SHISA9: variants seen among roughly 807,000 people sequenced by gnomAD.
SHISA9 encodes protein shisa-9.
Under a neutral mutation model 38.0 loss-of-function variants are expected in SHISA9, and 13 were observed. The observed-to-expected ratio is 0.34, with a 90% confidence interval of 0.22 to 0.54. The LOEUF (loss-of-function observed/expected upper bound fraction) is 0.54, where lower values mean the gene tolerates loss of function less well. Among genes scored for constraint, SHISA9 ranks in the 20% least tolerant of loss-of-function variants. SHISA9 has a pLI of 0.91. For missense variants in SHISA9, 538 were observed against 575.8 expected, an observed-to-expected ratio of 0.93 and a Z score of 0.67; for synonymous variants, 275 against 242.0, an observed-to-expected ratio of 1.14 and a Z score of -1.27.
the SHISA9 span, among the ~76,000 whole-genome samples, chr16:13,522,192 C>T: frequency 6.6e-6 from 1 of 152,132 alleles, no homozygotes. Flanking sequence ...TGTGAGATTT[C>T]CCCTTTTGTT....
chr16:13,091,441 A>C (rs556235265), intron 2 of SHISA9, among the ~76,000 whole-genome samples: 1 of 152,212 alleles, frequency 6.6e-6, no homozygotes, highest in Non-Finnish European at 1.5e-5. Flanking sequence ...TATGCCAATC[A>C]AATGTAGATT....
chr16:12,970,371 A>ATATATG (rs1567356916), intron 2 of SHISA9, among the ~76,000 whole-genome samples: 8 of 81,180 alleles, frequency 9.9e-5, no homozygotes, highest in Admixed American at 3.3e-4. Context: ...ATATATATAC[A>ATATATG]TATATATATA....
chr16:13,493,261 C>A, the SHISA9 span, among the ~76,000 whole-genome samples: 1 of 152,202 alleles, frequency 6.6e-6, no homozygotes, highest in East Asian at 1.9e-4. Context: ...CAATACCATT[C>A]TTTTAGATCA....
At chr16:13,357,006 G>A in the SHISA9 span, among the ~76,000 whole-genome samples, 3 of 152,142 alleles carry the variant, frequency 2.0e-5, no homozygotes, top group East Asian at 3.9e-4. Flanking sequence ...ACAGGCTAAG[G>A]GAGAAGAAGG....
chr16:13,101,406 C>T (rs1416184728), intron 2 of SHISA9, among the ~76,000 whole-genome samples: 1 of 152,102 alleles, frequency 6.6e-6, no homozygotes, highest in East Asian at 1.9e-4. Context: ...TTTAATTTTT[C>T]AATCATAACT....
At chr16:13,255,835 A>G in the SHISA9 span, among the ~76,000 whole-genome samples, 8 of 152,230 alleles carry the variant, frequency 5.3e-5, no homozygotes, top group South Asian at 1.7e-3. Flanking sequence ...GATGATCACT[A>G]TCTTTCCTCA....
the SHISA9 span, among the ~76,000 whole-genome samples, chr16:13,457,138 C>T: frequency 6.6e-6 from 1 of 152,184 alleles, no homozygotes; most frequent in Non-Finnish European, 1.5e-5. Context: ...GAAACCCTGT[C>T]TCTACTAAAA....
chr16:13,260,760 C>T, the SHISA9 span, among the ~76,000 whole-genome samples: 1 of 152,332 alleles, frequency 6.6e-6, no homozygotes, highest in African/African-American at 2.4e-5. Context: ...GTCGCTTCCA[C>T]ATTTTTGGGT....
At chr16:12,975,651 G>A (rs1198762058) in intron 2 of SHISA9, among the ~76,000 whole-genome samples, 1 of 143,174 alleles carries the variant, frequency 7.0e-6, no homozygotes, top group Non-Finnish European at 1.5e-5. Context: ...GGGGTGGGAC[G>A]GGGGCGGGGG....
chr16:13,187,054 G>A (rs769655942), intron 2 of SHISA9, among the ~76,000 whole-genome samples: 12 of 152,248 alleles, frequency 7.9e-5, no homozygotes, highest in East Asian at 3.9e-4. Flanking sequence ...ATACCACTTC[G>A]AGATACTGCT....
chr16:13,420,954 A>G, the SHISA9 span, among the ~76,000 whole-genome samples: 1 of 152,218 alleles, frequency 6.6e-6, no homozygotes, highest in Non-Finnish European at 1.5e-5. Context: ...ATTTTGCTTC[A>G]GGGGAAAGCA....
chr16:13,044,048 G>A (rs1002613834), intron 2 of SHISA9, among the ~76,000 whole-genome samples: 1 of 152,230 alleles, frequency 6.6e-6, no homozygotes, highest in East Asian at 1.9e-4. Flanking sequence ...CCCCCAGTTA[G>A]AAAAGAAGCC....
the SHISA9 span, among the ~76,000 whole-genome samples, chr16:13,513,629 A>G: frequency 6.6e-6 from 1 of 152,238 alleles, no homozygotes; most frequent in East Asian, 1.9e-4. Context: ...AATGTGGTAC[A>G]TACACACCAC....
intron 2 of SHISA9, among the ~76,000 whole-genome samples, chr16:13,002,933 A>C (rs903865688): frequency 2.0e-5 from 3 of 152,238 alleles, no homozygotes; most frequent in Non-Finnish European, 4.4e-5. Flanking sequence ...CTGCAGACAT[A>C]GAATTAATGC....
chr16:13,481,253 A>T, the SHISA9 span, among the ~76,000 whole-genome samples: 3 of 152,202 alleles, frequency 2.0e-5, no homozygotes, highest in Non-Finnish European at 4.4e-5. Context: ...TAGAATTTTC[A>T]TGACATTCTT....
At chr16:13,019,291 C>G (rs534051967) in intron 2 of SHISA9, among the ~76,000 whole-genome samples, 1 of 152,132 alleles carries the variant, frequency 6.6e-6, no homozygotes, top group Non-Finnish European at 1.5e-5. Context: ...TGAGCCACCA[C>G]GCTTGGCCAG....
intron 1 of SHISA9, chr16:12,909,343 C>A: frequency 1.0e-6 from 1 of 985,416 alleles, no homozygotes; most frequent in Non-Finnish European, 1.2e-6. Flanking sequence ...ATTGCCCTTG[C>A]ATTTTTGAAA....
At chr16:13,222,613 C>T (rs2051238064) in intron 4 of SHISA9, among the ~76,000 whole-genome samples, 1 of 151,932 alleles carries the variant, frequency 6.6e-6, no homozygotes, top group Non-Finnish European at 1.5e-5. Flanking sequence ...ACCATGTGTC[C>T]AAGAAAAAGA....
chr16:13,264,894 C>G, the SHISA9 span, among the ~76,000 whole-genome samples: 1 of 151,948 alleles, frequency 6.6e-6, no homozygotes, highest in Non-Finnish European at 1.5e-5. Flanking sequence ...CCTTTCCAGT[C>G]TCCTCCCTTT....
Sources: allele counts gnomAD v4.1 joint callset (sites outside exome capture counted in the v4.1 genomes callset), GRCh38; gene constraint gnomAD v4.1.1; transcripts MANE v1.5; gene names NCBI Gene and HGNC (gene_info 2026-07-23, HGNC 2026-07-21).